The following KLF12 variants were observed in gnomAD, a reference collection of about 807,000 sequenced individuals.
KLF12 encodes the protein KLF transcription factor 12.
In KLF12, 9 loss-of-function variants were observed where a neutral mutation model predicts 37.8. The ratio of observed to expected loss-of-function variants is 0.24; its 90% CI spans 0.14 to 0.42. The LOEUF is 0.42. KLF12 is among the 10% of genes least tolerant of loss of function. The probability of loss-of-function intolerance (pLI) is 1.00; values close to 1 mark genes in which losing one functional copy is unlikely to be tolerated. For missense variants in KLF12, 411 were observed against 516.0 expected (o/e 0.80, Z 1.97); for synonymous variants, 208 against 202.1 (o/e 1.03, Z -0.25).
intron 2 of KLF12, among the ~76,000 whole-genome samples, chr13:73,982,094 G>C (rs1490603550): frequency 6.6e-6 from 1 of 152,092 alleles, no homozygotes; most frequent in Non-Finnish European, 1.5e-5. Flanking sequence ...TTGTTGACTA[G>C]AGTGATTAAT....
chr13:73,728,025 G>T (rs1876794075), intron 6 of KLF12, among the ~76,000 whole-genome samples: 1 of 152,158 alleles, frequency 6.6e-6, no homozygotes, highest in Non-Finnish European at 1.5e-5. Flanking sequence ...AGAAAATGCA[G>T]CTGAAATTTG....
intron 1 of KLF12, among the ~76,000 whole-genome samples, chr13:74,073,024 G>A (rs926525550): frequency 1.3e-5 from 2 of 152,192 alleles, no homozygotes; most frequent in Non-Finnish European, 2.9e-5. Flanking sequence ...AGTGTCTCAT[G>A]AGATTTAATG....
the KLF12 span, among the ~76,000 whole-genome samples, chr13:74,208,967 T>G: frequency 6.6e-6 from 1 of 152,144 alleles, no homozygotes; most frequent in African/African-American, 2.4e-5. Context: ...TTCCCAAGTA[T>G]TTCATACGGG....
the KLF12 span, among the ~76,000 whole-genome samples, chr13:74,151,373 G>A: frequency 8.5e-5 from 13 of 152,206 alleles, no homozygotes; most frequent in South Asian, 1.2e-3. Flanking sequence ...TCTCCAGGCC[G>A]GGCACGGTAG....
the KLF12 span, among the ~76,000 whole-genome samples, chr13:74,290,724 A>T: frequency 6.6e-6 from 1 of 152,184 alleles, no homozygotes; most frequent in Non-Finnish European, 1.5e-5. Flanking sequence ...CAAGCCCAGA[A>T]TTTTTTCAGC....
intron 3 of KLF12, among the ~76,000 whole-genome samples, chr13:73,919,805 T>C (rs1431135176): frequency 6.6e-6 from 1 of 152,194 alleles, no homozygotes; most frequent in Non-Finnish European, 1.5e-5. Context: ...ATGTGAGGTG[T>C]TCTAGTACAT....
At chr13:74,305,466 T>G in the KLF12 span, among the ~76,000 whole-genome samples, 2 of 152,044 alleles carry the variant, frequency 1.3e-5, no homozygotes, top group Non-Finnish European at 2.9e-5. Context: ...GTTTTTAACT[T>G]AAATAAAAAT....
At chr13:74,280,903 A>G in the KLF12 span, among the ~76,000 whole-genome samples, 1 of 148,974 alleles carries the variant, frequency 6.7e-6, no homozygotes, top group Non-Finnish European at 1.5e-5. Flanking sequence ...TCAAGAATAT[A>G]CTAACCTTAT....
chr13:73,915,713 T>C (rs1380604339), intron 3 of KLF12, among the ~76,000 whole-genome samples: 17 of 113,372 alleles, frequency 1.5e-4, no homozygotes, highest in Admixed American at 5.7e-4. Flanking sequence ...TTTTTTTTTT[T>C]AGTAGAGACT....
the KLF12 span, among the ~76,000 whole-genome samples, chr13:74,207,329 A>G: frequency 2.0e-5 from 3 of 152,192 alleles, no homozygotes; most frequent in African/African-American, 7.2e-5. Context: ...TACACAATAC[A>G]AAGTATGGGA....
intron 1 of KLF12, among the ~76,000 whole-genome samples, chr13:74,120,073 C>T (rs1219521335): frequency 1.3e-5 from 2 of 151,830 alleles, no homozygotes; most frequent in African/African-American, 4.8e-5. Flanking sequence ...TGGTGGAAAA[C>T]TGTCAACCCA....
At chr13:73,995,716 T>G (rs975143464) in intron 1 of KLF12, among the ~76,000 whole-genome samples, 1 of 152,216 alleles carries the variant, frequency 6.6e-6, no homozygotes, top group Admixed American at 6.5e-5. Flanking sequence ...ACCATTAGGA[T>G]ATCACCAAAT....
chr13:74,109,845 G>A (rs538862394), intron 1 of KLF12, among the ~76,000 whole-genome samples: 13 of 151,896 alleles, frequency 8.6e-5, no homozygotes, highest in African/African-American at 1.2e-4. Flanking sequence ...AAACCGATCC[G>A]TTTTTACTAA....
intron 3 of KLF12, among the ~76,000 whole-genome samples, chr13:73,910,809 GT>G (rs1324658701): frequency 1.3e-5 from 2 of 152,134 alleles, no homozygotes; most frequent in Non-Finnish European, 2.9e-5. Context: ...AGTGGAATGG[GT>G]TAATCCATTC....
At chr13:74,140,775 A>T in the KLF12 span, among the ~76,000 whole-genome samples, 1 of 152,242 alleles carries the variant, frequency 6.6e-6, no homozygotes, top group South Asian at 2.1e-4. Context: ...AGGTTGGAGC[A>T]GGGTGCGGTG....
Position 73,754,554 on chromosome 13 carries a change from T to C in KLF12, c.869+10384A>G, listed in dbSNP as rs1238548237. Among the ~76,000 whole-genome samples the C allele has an allele frequency of 2.6e-5, 4 of 152,198 alleles. No individual in the cohort carries two copies. The East Asian group carries it at 7.7e-4, about 29-fold the overall frequency. On this transcript the variant is annotated intron_variant, in intron 6 of 7. Transcript: ENST00000377669. Reference sequence around the variant, plus strand: ...ATATTTGAAAAAAGATAGCCAAGACTGCGGAAAACACATTCTCTATTAGCC... The same window carrying C: ...ATATTTGAAAAAAGATAGCCAAGACCGCGGAAAACACATTCTCTATTAGCC...
intron 3 of KLF12, among the ~76,000 whole-genome samples, chr13:73,895,808 A>G (rs1368714969): frequency 2.1e-5 from 3 of 140,018 alleles, no homozygotes; most frequent in Non-Finnish European, 4.6e-5. Context: ...GCAATGAGAA[A>G]TCACCATGGA....
chr13:73,866,501 G>GT (rs1206103444), intron 3 of KLF12, among the ~76,000 whole-genome samples: 2 of 151,988 alleles, frequency 1.3e-5, no homozygotes, highest in African/African-American at 4.8e-5. Flanking sequence ...CTCCCAAAGA[G>GT]TAACTATTTG....
At chr13:73,943,929 G>T in intron 3 of KLF12, 52 bp downstream of exon 3, 1 of 1,091,028 alleles carries the variant, frequency 9.2e-7, no homozygotes. Flanking sequence ...CTCTGCAGAA[G>T]AATGCCACTC....
Sources: gnomAD v4.1 joint callset for allele counts (sites outside exome capture counted in the v4.1 genomes callset) on GRCh38, gnomAD v4.1.1 for gene constraint, MANE v1.5 for transcripts, NCBI Gene and HGNC (gene_info 2026-07-23, HGNC 2026-07-21) for gene names.